The following CLDN16 variants were observed in gnomAD, a reference collection of about 807,000 sequenced individuals.
CLDN16 encodes claudin-16.
CLDN16 carries 13 observed loss-of-function variants against 24.6 expected under a neutral mutation model. That is an observed-to-expected ratio of 0.53 (90% CI 0.34 to 0.84). The LOEUF (loss-of-function observed/expected upper bound fraction) is 0.84, where lower values mean the gene tolerates loss of function less well. Ranked by LOEUF, CLDN16 falls within the 40% of genes least tolerant of loss-of-function variation. The probability of loss-of-function intolerance (pLI) is 0.01; values close to 1 mark genes in which losing one functional copy is unlikely to be tolerated. For synonymous variants in CLDN16, 116 were observed against 106.7 expected (o/e 1.09, Z -0.54); for missense variants, 298 against 292.7 (o/e 1.02, Z -0.13).
At chr3:190,290,645 A>C in the CLDN16 span, among the ~76,000 whole-genome samples, 2 of 152,196 alleles carry the variant, frequency 1.3e-5, no homozygotes, top group Admixed American at 1.3e-4. Flanking sequence ...CCTGCTTAGC[A>C]ATGAGTATCT....
intron 1 of CLDN16, among the ~76,000 whole-genome samples, chr3:190,335,025 T>C (rs1379945898): frequency 1.2e-4 from 8 of 67,560 alleles, no homozygotes; most frequent in Non-Finnish European, 1.7e-4. Flanking sequence ...TCTTTTTTCT[T>C]TTTTTTTTTT....
intron 1 of CLDN16, among the ~76,000 whole-genome samples, chr3:190,332,774 A>ATT (rs5855323): frequency 0.014 from 2,066 of 147,916 alleles, 39 homozygotes; most frequent in African/African-American, 0.04. Flanking sequence ...GCAGAGCATG[A>ATT]TTTTTTTTTT....
upstream of CLDN16, chr3:190,388,110 G>A (rs775681526): frequency 1.1e-5 from 18 of 1,613,408 alleles, no homozygotes; most frequent in Middle Eastern, 1.6e-4. Flanking sequence ...GAGGCTGGTT[G>A]CTTCGGATAA....
chr3:190,328,213 G>A (rs1250618767), intron 1 of CLDN16, among the ~76,000 whole-genome samples: 2 of 152,058 alleles, frequency 1.3e-5, no homozygotes, highest in Admixed American at 1.3e-4. Flanking sequence ...CTCGAGAGAT[G>A]GAGGCTATAG....
chr3:190,396,311 CA>C (rs1461681608), intron 1 of CLDN16, among the ~76,000 whole-genome samples: 2 of 152,114 alleles, frequency 1.3e-5, no homozygotes, highest in Non-Finnish European at 2.9e-5. Flanking sequence ...AGAATGACAC[CA>C]AATCAATGTA....
chr3:190,333,344 T>A (rs995268090), intron 1 of CLDN16, among the ~76,000 whole-genome samples: 2 of 152,154 alleles, frequency 1.3e-5, no homozygotes, highest in East Asian at 3.8e-4. Context: ...TTATTCAGAT[T>A]CTTAGAAATA....
chr3:190,290,821 T>C, the CLDN16 span, among the ~76,000 whole-genome samples: 1 of 152,186 alleles, frequency 6.6e-6, no homozygotes, highest in Non-Finnish European at 1.5e-5. Flanking sequence ...ATTTATCAAA[T>C]ACTAGCTTTG....
chr3:190,334,428 C>A, intron 1 of CLDN16, among the ~76,000 whole-genome samples: 1 of 152,232 alleles, frequency 6.6e-6, no homozygotes, highest in East Asian at 1.9e-4. Flanking sequence ...ATGCTAAAGA[C>A]TTTGAGCTTC....
At chr3:190,359,843 G>A (rs959227010) in intron 1 of CLDN16, among the ~76,000 whole-genome samples, 3 of 152,004 alleles carry the variant, frequency 2.0e-5, no homozygotes, top group Non-Finnish European at 4.4e-5. Flanking sequence ...GAAATGTTCA[G>A]AAACTTCTGA....
chr3:190,351,704 G>A (rs1717675253), intron 1 of CLDN16, among the ~76,000 whole-genome samples: 1 of 151,866 alleles, frequency 6.6e-6, no homozygotes, highest in Non-Finnish European at 1.5e-5. Context: ...CTGTTGCTGG[G>A]GAGAAATAGA....
chr3:190,378,086 A>T (rs1718282845), intron 3 of CLDN16, among the ~76,000 whole-genome samples: 1 of 152,030 alleles, frequency 6.6e-6, no homozygotes, highest in African/African-American at 2.4e-5. Context: ...AAAAACTGGG[A>T]TAAGTTACCA....
At chr3:190,392,056 A>C (rs1198471175) in intron 1 of CLDN16, among the ~76,000 whole-genome samples, 1 of 109,952 alleles carries the variant, frequency 9.1e-6, no homozygotes, top group South Asian at 2.9e-4. Flanking sequence ...GGTCCTTTTC[A>C]GTCTTTTTTT....
chr3:190,380,544 G>T (rs1262694994), intron 3 of CLDN16, among the ~76,000 whole-genome samples: 5 of 152,012 alleles, frequency 3.3e-5, no homozygotes, highest in African/African-American at 1.2e-4. Context: ...CATGGGTTAA[G>T]AAGAAAGCAT....
At chr3:190,338,107 C>T (rs6779991) in intron 1 of CLDN16, among the ~76,000 whole-genome samples, 57,302 of 151,804 alleles carry the variant, frequency 0.38, 11,191 homozygotes, top group East Asian at 0.68. Flanking sequence ...AACCAAAAGA[C>T]GGAGGAAATA....
the CLDN16 span, chr3:190,307,433 A>G: frequency 1.3e-5 from 2 of 152,198 alleles, no homozygotes; most frequent in Non-Finnish European, 2.9e-5. Context: ...ACTCAATTGG[A>G]CAAATATTTT....
At chr3:190,381,574 T>C (rs944080323) in intron 3 of CLDN16, among the ~76,000 whole-genome samples, 3 of 152,084 alleles carry the variant, frequency 2.0e-5, no homozygotes, top group African/African-American at 7.2e-5. Context: ...CTTGATAATA[T>C]TATTTCTATC....
the CLDN16 span, among the ~76,000 whole-genome samples, chr3:190,304,671 C>A: frequency 9.6e-5 from 14 of 146,494 alleles, no homozygotes; most frequent in South Asian, 2.7e-3. Flanking sequence ...GATTTTAGGG[C>A]AGGCTGGGGG....
intron 1 of CLDN16, among the ~76,000 whole-genome samples, chr3:190,399,596 T>C (rs1482033618): frequency 6.6e-6 from 1 of 152,226 alleles, no homozygotes; most frequent in African/African-American, 2.4e-5. Flanking sequence ...CTAGTGATGT[T>C]TTGATACATA....
intron 1 of CLDN16, among the ~76,000 whole-genome samples, chr3:190,398,466 C>T (rs1469453618): frequency 6.6e-6 from 1 of 152,188 alleles, no homozygotes; most frequent in Non-Finnish European, 1.5e-5. Flanking sequence ...GTCTGTTTCT[C>T]TCCTGCATGT....
Sources: allele counts gnomAD v4.1 joint callset (sites outside exome capture counted in the v4.1 genomes callset), GRCh38; gene constraint gnomAD v4.1.1; transcripts MANE v1.5; gene names NCBI Gene and HGNC (gene_info 2026-07-23, HGNC 2026-07-21).